PCDHGA3: variants seen among roughly 807,000 people sequenced by gnomAD.
The protein encoded by PCDHGA3 is protocadherin gamma-A3.
Under a neutral mutation model 58.5 loss-of-function variants are expected in PCDHGA3, and 40 were observed. The observed-to-expected ratio is 0.68, with a 90% CI of 0.53 to 0.89. The LOEUF (loss-of-function observed/expected upper bound fraction) is 0.89, where lower values mean the gene tolerates loss of function less well. Ranked by LOEUF, PCDHGA3 falls within the 40% of genes least tolerant of loss-of-function variation. The pLI is 0.00. For missense variants in PCDHGA3, 1,223 were observed against 1,195.9 expected, an observed-to-expected ratio of 1.02 and a Z score of -0.33; for synonymous variants, 530 against 525.7, an observed-to-expected ratio of 1.01 and a Z score of -0.11.
intron 1 of PCDHGA3, chr5:141,374,744 G>A: frequency 1.2e-6 from 2 of 1,611,982 alleles, no homozygotes; most frequent in East Asian, 2.2e-5. Context: ...CGGCGACCCT[G>A]TCCGCTCAAG....
Position 141,345,599 on chromosome 5 carries a change from C to A in PCDHGA3, c.1566C>A (p.Tyr522Ter). The A allele has an allele frequency of 1.9e-6, 3 of 1,614,198 alleles. No individual in the cohort carries two copies. Among genetic ancestry groups the A allele is most frequent in the Non-Finnish European group, 8.5e-7 (1 of 1,180,044 alleles). ...TATACGCGCTGAGATCCTTCGACTA[C>A]GAGCAATTTAGAGACTTAAAGCTAC... ...GVLYALRSFD[Y>*]EQFRDLKLLV... The change falls in exon 1 of 4, where the codon TAC becomes TAA. Residue 522 changes from tyrosine to a stop codon, truncating the protein, a stop_gained. Coordinates refer to ENST00000253812, the MANE Select transcript of PCDHGA3 (RefSeq NM_018916.4). LOFTEE classifies it high-confidence loss of function.
chr5:141,460,726 A>G lies in PCDHGA3; in HGVS notation c.2425-34081A>G, dbSNP rs545089217. ...GAGAATAAACTATTGTTATAAGCAT[A>G]TATACACATTGTATATATATGTGTA... On this transcript the variant is annotated intron_variant, in intron 1 of 3. Coordinates refer to ENST00000253812, the MANE Select transcript of PCDHGA3 (RefSeq NM_018916.4). Among the ~76,000 whole-genome samples the G allele has an allele frequency of 6.6e-5, 10 of 152,252 alleles. No homozygotes were observed. In the East Asian group the frequency reaches 1.9e-3, roughly 29 times the overall value.
In PCDHGA3 at chr5:141,357,450, G is replaced by C. The variant is rs541013509; in HGVS notation, c.2424+10993G>C. ...GCGTGGACGGGGTTCGGGCTTTCCT[G>C]CAGACCTATTCCCACGAGGTCTCCC... is the stretch of plus-strand genomic sequence containing the variant. On this transcript the variant is annotated intron_variant, in intron 1 of 3. Coordinates refer to ENST00000253812, the MANE Select transcript of PCDHGA3 (RefSeq NM_018916.4). The C allele has an allele frequency of 2.5e-6, 4 of 1,614,196 alleles. No homozygotes were observed. In the South Asian group the frequency reaches 4.4e-5, roughly 18 times the overall value.
In PCDHGA3 at chr5:141,383,904, C is replaced by T. The variant is rs759650044; in HGVS notation, c.2424+37447C>T. ...GTCTGACAAAGGCAAAAGTACTGAT[C>T]ACAGTTTTAGATGTAAATGATAATG... On this transcript the variant is annotated intron_variant, in intron 1 of 3. Coordinates refer to ENST00000253812, the MANE Select transcript of PCDHGA3 (RefSeq NM_018916.4). The T allele has an allele frequency of 1.1e-5, 18 of 1,613,626 alleles. No homozygotes were observed. The South Asian group carries it at 1.8e-4, about 16-fold the overall frequency.
At chr5:141,391,107 T>C (rs1225302584) in intron 1 of PCDHGA3, 1 of 152,098 alleles carries the variant, frequency 6.6e-6, no homozygotes, top group African/African-American at 2.4e-5. Context: ...CCTAAACTAA[T>C]ATAGCTAGAG....
At chr5:141,414,926 G>T (rs2095802657) in intron 1 of PCDHGA3, 3 of 1,614,114 alleles carry the variant, frequency 1.9e-6, no homozygotes, top group Admixed American at 1.7e-5. Flanking sequence ...CTGGCGCCCC[G>T]CTCCGCAGAG....
intron 1 of PCDHGA3, among the ~76,000 whole-genome samples, chr5:141,368,352 C>CAT (rs965270733): frequency 4.6e-5 from 7 of 152,124 alleles, no homozygotes; most frequent in East Asian, 1.9e-4. Flanking sequence ...TATACACACA[C>CAT]ATATATATAC....
intron 1 of PCDHGA3, chr5:141,410,127 T>A (rs761667108): frequency 3.7e-6 from 6 of 1,612,926 alleles, no homozygotes; most frequent in Non-Finnish European, 5.1e-6. Context: ...CGCCAGCGCC[T>A]GCTGGTCGCT....
intron 1 of PCDHGA3, chr5:141,479,478 G>T (rs760475025): frequency 2.6e-5 from 4 of 152,408 alleles, no homozygotes; most frequent in African/African-American, 9.6e-5. Context: ...TCTTGGGAGG[G>T]CAGGACCATC....
At position 141,376,680 on chromosome 5, in the gene PCDHGA3, T is replaced by G. The variant is rs554753091; in HGVS notation, c.2424+30223T>G. 2,414 of 666,784 alleles carry G rather than the reference T, an allele frequency of 3.6e-3. 9 individuals carry two copies. The highest frequency in any genetic ancestry group is 3.7e-3 in the Non-Finnish European group (1,658 of 442,514). 41.3% of individuals were successfully genotyped at this position (666,784 alleles called of 1,614,324 possible). A position where few individuals can be genotyped will look rare whatever the true frequency, so the allele number is the denominator to read the frequency against. ...CCTTGTTCAGGTGAGGGTATCGTTT[T>G]TTTTTTTTTTTTTTTTTGAGACGGA... On this transcript the variant is annotated intron_variant, in intron 1 of 3. Coordinates refer to ENST00000253812, the MANE Select transcript of PCDHGA3 (RefSeq NM_018916.4).
In PCDHGA3 at chr5:141,423,089, G is replaced by C. The variant is rs201821221; in HGVS notation, c.2425-71718G>C. The stretch of plus-strand genomic sequence containing the variant: ...AGCGAGCCGGGACTCTTCGCGGTGG[G>C]GGAGCACACGGGCGAGGTGCGTACA... On this transcript the variant is annotated intron_variant, in intron 1 of 3. Transcript: ENST00000253812. 4.0e-5 allele frequency: 65 copies of C among 1,614,016 alleles called. No individual in the cohort carries two copies. In the African/African-American group the frequency reaches 7.2e-4, roughly 18 times the overall value.
intron 1 of PCDHGA3, among the ~76,000 whole-genome samples, chr5:141,381,361 G>T (rs1050283609): frequency 2.0e-5 from 3 of 152,198 alleles, no homozygotes; most frequent in Non-Finnish European, 4.4e-5. Context: ...CTAGCAGAGG[G>T]TAGCCTCGGA....
chr5:141,416,063 A>G (rs546746824), intron 1 of PCDHGA3: 201 of 176,914 alleles, frequency 1.1e-3, no homozygotes, highest in Non-Finnish European at 1.8e-3. Flanking sequence ...ATCCAAGAAT[A>G]CTCAATGCAG....
chr5:141,416,441 T>C (rs2096024396), intron 1 of PCDHGA3: 1 of 152,162 alleles, frequency 6.6e-6, no homozygotes, highest in Non-Finnish European at 1.5e-5. Flanking sequence ...TGAAAGTAAA[T>C]ATGGGTTGGG....
At chr5:141,475,014 C>G (rs2099358221) in intron 1 of PCDHGA3, among the ~76,000 whole-genome samples, 1 of 152,202 alleles carries the variant, frequency 6.6e-6, no homozygotes, top group South Asian at 2.1e-4. Flanking sequence ...AAAGTTAAGG[C>G]TCTTTATTCT....
intron 1 of PCDHGA3, chr5:141,362,411 A>G (rs771689350): frequency 6.2e-7 from 1 of 1,614,004 alleles, no homozygotes; most frequent in Non-Finnish European, 8.5e-7. Context: ...GTTGCCTCAC[A>G]ATCAGCCAAG....
rs2099170089 is a variant in PCDHGA3, at chr5:141,468,602, C to T, written c.2425-26205C>T. On this transcript the variant is annotated intron_variant, in intron 1 of 3. Coordinates refer to ENST00000253812, the MANE Select transcript of PCDHGA3 (RefSeq NM_018916.4). ...GTACTAAAGGCTGGGCGCGGTGGCT[C>T]ACGCCTGTAATCCCAGCACTTTGGG... The T allele has an allele frequency of 2.6e-5, 4 of 152,284 alleles. No individual in the cohort carries two copies. The South Asian group carries it at 8.3e-4, about 32-fold the overall frequency. 9.4% of individuals were successfully genotyped at this position (152,284 alleles called of 1,614,324 possible).
intron 1 of PCDHGA3, among the ~76,000 whole-genome samples, chr5:141,483,310 A>G (rs2099579870): frequency 6.6e-6 from 1 of 152,156 alleles, no homozygotes; most frequent in African/African-American, 2.4e-5. Context: ...GACTGGGGAC[A>G]TTGGGACTGG....
chr5:141,458,386 G>T (rs1037969327), intron 1 of PCDHGA3, among the ~76,000 whole-genome samples: 2 of 152,070 alleles, frequency 1.3e-5, no homozygotes, highest in African/African-American at 2.4e-5. Flanking sequence ...GAAGGAAGAC[G>T]CTCCCCCTTG....
Sources: allele counts gnomAD v4.1 joint callset (sites outside exome capture counted in the v4.1 genomes callset), GRCh38; gene constraint gnomAD v4.1.1; transcripts MANE v1.5; gene names NCBI Gene and HGNC (gene_info 2026-07-23, HGNC 2026-07-21).